ATP8A1: variants seen among roughly 807,000 people sequenced by gnomAD.
ATP8A1 encodes the protein phospholipid-transporting ATPase IA.
Under a neutral mutation model 177.7 loss-of-function variants are expected in ATP8A1, and 90 were observed. The observed-to-expected ratio is 0.51, with a 90% CI of 0.43 to 0.60. ATP8A1 has a LOEUF of 0.60. Among genes scored for constraint, ATP8A1 ranks in the 20% least tolerant of loss-of-function variants. The pLI, the probability that ATP8A1 is intolerant of heterozygous loss-of-function variation, is 0.00. For synonymous variants in ATP8A1, 493 were observed against 485.9 expected, an observed-to-expected ratio of 1.01 and a Z score of -0.19; for missense variants, 1,072 against 1,392.8, an observed-to-expected ratio of 0.77 and a Z score of 3.67.
chr4:42,617,445 CAA>C (rs1737033932), intron 4 of ATP8A1, among the ~76,000 whole-genome samples: 1 of 151,926 alleles, frequency 6.6e-6, no homozygotes, highest in Non-Finnish European at 1.5e-5. Flanking sequence ...CACAGTTTGC[CAA>C]AAAAGATTCT....
chr4:42,413,151 T>G (rs1449832951), intron 36 of ATP8A1, 138 bp from the exon 37 acceptor site: 3 of 657,246 alleles, frequency 4.6e-6, no homozygotes, highest in Non-Finnish European at 7.9e-6. Flanking sequence ...CACTGATTTT[T>G]AATGCCTAGA....
chr4:42,656,734 G>C, intron 1 of ATP8A1, 91 bp downstream of exon 1: 1 of 1,345,058 alleles, frequency 7.4e-7, no homozygotes, highest in South Asian at 1.7e-5. Context: ...GGAAGAGGTA[G>C]GATGCGGTCT....
intron 5 of ATP8A1, among the ~76,000 whole-genome samples, chr4:42,607,487 G>C (rs1439307864): frequency 6.6e-6 from 1 of 152,174 alleles, no homozygotes; most frequent in Non-Finnish European, 1.5e-5. Flanking sequence ...GACTGAATTA[G>C]CAATCTAGGT....
chr4:42,479,921 G>A (rs1721480870), intron 25 of ATP8A1, among the ~76,000 whole-genome samples: 1 of 151,518 alleles, frequency 6.6e-6, no homozygotes. Context: ...AATCCCAAGC[G>A]GGTGCATTTA....
chr4:42,472,265 A>C (rs1341033690), intron 25 of ATP8A1: 1 of 559,022 alleles, frequency 1.8e-6, no homozygotes, highest in Middle Eastern at 5.7e-4. Context: ...ATAAAGGTTC[A>C]TTTGGACAAA....
At chr4:42,473,407 C>T (rs79439046) in intron 25 of ATP8A1, among the ~76,000 whole-genome samples, 3,815 of 151,984 alleles carry the variant, frequency 0.025, 149 homozygotes, top group African/African-American at 0.085. Flanking sequence ...TGCCACCTCT[C>T]TATTTAGGGA....
At chr4:42,516,937 G>C (rs1725601158) in intron 22 of ATP8A1, among the ~76,000 whole-genome samples, 1 of 152,176 alleles carries the variant, frequency 6.6e-6, no homozygotes, top group Non-Finnish European at 1.5e-5. Flanking sequence ...CCCTGCCAAT[G>C]AAACAAGGAA....
At chr4:42,465,315 G>C (rs1719617292) in intron 25 of ATP8A1, among the ~76,000 whole-genome samples, 1 of 152,186 alleles carries the variant, frequency 6.6e-6, no homozygotes, top group South Asian at 2.1e-4. Context: ...ATCTAGAAGA[G>C]AGAATGCTTT....
At chr4:42,641,401 C>G (rs1739980802) in intron 1 of ATP8A1, among the ~76,000 whole-genome samples, 1 of 152,156 alleles carries the variant, frequency 6.6e-6, no homozygotes, top group East Asian at 1.9e-4. Context: ...GTGTTCCCTT[C>G]ACTGTGAGGT....
intron 11 of ATP8A1, among the ~76,000 whole-genome samples, chr4:42,578,770 A>G (rs920976679): frequency 6.6e-6 from 1 of 152,184 alleles, no homozygotes; most frequent in African/African-American, 2.4e-5. Flanking sequence ...AGCATACTTT[A>G]AAAGCAAACA....
At chr4:42,492,463 C>G (rs367618084) in intron 24 of ATP8A1, among the ~76,000 whole-genome samples, 3 of 152,090 alleles carry the variant, frequency 2.0e-5, no homozygotes, top group Non-Finnish European at 4.4e-5. Flanking sequence ...GTGATTAGGT[C>G]GTGAGGGTGG....
Position 42,465,034 on chromosome 4 carries a change from C to T in ATP8A1, c.2367G>A (p.Lys789=). The T allele has an allele frequency of 6.2e-7, 1 of 1,614,068 alleles. No homozygotes were observed. The highest frequency in any genetic ancestry group is 8.5e-7 in the Non-Finnish European group (1 of 1,179,954). The part of the protein sequence containing the change: ...LQKSEVVEMV[K]KQVKVVTLAI... ...CAAGCGTTACGACTTTGACTTGTTT[C>T]TTAACCATCTCAACAACTTCAGATT... The change falls in exon 26 of 37, where the codon AAG becomes AAA. Residue 789 remains lysine, a synonymous_variant. Transcript: ENST00000381668.
intron 34 of ATP8A1, 41 bp from the exon 35 acceptor site, chr4:42,422,940 C>T: frequency 1.3e-6 from 2 of 1,506,332 alleles, no homozygotes; most frequent in Non-Finnish European, 1.8e-6. Flanking sequence ...GGAAATACTT[C>T]TGTGAAGATT....
At chr4:42,629,932 C>T (rs755595497) in intron 1 of ATP8A1, among the ~76,000 whole-genome samples, 8 of 152,184 alleles carry the variant, frequency 5.3e-5, no homozygotes, top group South Asian at 2.1e-4. Flanking sequence ...TAAAGAGAAA[C>T]GGACTCTTCC....
intron 24 of ATP8A1, among the ~76,000 whole-genome samples, chr4:42,489,678 G>C (rs955298896): frequency 1.3e-5 from 2 of 152,152 alleles, no homozygotes; most frequent in African/African-American, 2.4e-5. Flanking sequence ...TTACTGCCGG[G>C]AGTATTTTCA....
chr4:42,649,295 G>C (rs770042072), intron 1 of ATP8A1, among the ~76,000 whole-genome samples: 2 of 152,082 alleles, frequency 1.3e-5, no homozygotes, highest in Non-Finnish European at 2.9e-5. Flanking sequence ...TATAACTAGT[G>C]ACAGTAGACA....
intron 30 of ATP8A1, 138 bp from the exon 31 acceptor site, chr4:42,446,782 A>AC: frequency 2.9e-6 from 2 of 686,744 alleles, no homozygotes; most frequent in Non-Finnish European, 4.8e-6. Flanking sequence ...TAAAAAAAAA[A>AC]ACAACCCCAA....
intron 2 of ATP8A1, chr4:42,626,652 C>A (rs552882121): frequency 1.9e-5 from 5 of 260,754 alleles, no homozygotes; most frequent in Non-Finnish European, 3.7e-5. Flanking sequence ...ATTGCAAAGA[C>A]CTCTTCTAAA....
intron 22 of ATP8A1, among the ~76,000 whole-genome samples, chr4:42,517,209 G>A (rs758998884): frequency 2.7e-5 from 4 of 150,652 alleles, no homozygotes; most frequent in Admixed American, 6.6e-5. Context: ...GCTGAGGGAG[G>A]AGAATCGCTT....
Sources: allele counts gnomAD v4.1 joint callset (sites outside exome capture counted in the v4.1 genomes callset), GRCh38; gene constraint gnomAD v4.1.1; transcripts MANE v1.5; gene names NCBI Gene and HGNC (gene_info 2026-07-23, HGNC 2026-07-21).